The following LGI2 variants were observed in gnomAD, a reference collection of about 807,000 sequenced individuals.
LGI2 encodes the protein leucine-rich repeat LGI family member 2.
LGI2 carries 30 observed loss-of-function variants against 52.0 expected under a neutral mutation model. The ratio of observed to expected loss-of-function variants is 0.58; its 90% confidence interval spans 0.43 to 0.78. LGI2 has a LOEUF of 0.78. Among genes scored for constraint, LGI2 ranks in the 30% least tolerant of loss-of-function variants. The probability of loss-of-function intolerance (pLI) is 0.00; values close to 1 mark genes in which losing one functional copy is unlikely to be tolerated. For missense variants in LGI2, 573 were observed against 692.5 expected (o/e 0.83, Z 1.94); for synonymous variants, 270 against 271.8 (o/e 0.99, Z 0.06).
intron 7 of LGI2, among the ~76,000 whole-genome samples, chr4:25,008,933 C>A (rs1303573257): frequency 6.6e-6 from 1 of 152,212 alleles, no homozygotes; most frequent in Non-Finnish European, 1.5e-5. Flanking sequence ...ACTTCCTCCC[C>A]ACCAGCTCTG....
chr4:25,030,786 G>A lies in LGI2; in HGVS notation c.-93C>T. Reference sequence around the variant, plus strand: ...GCTGCAGACGCGGGCGCCGCTCGCTGCTCTGCCGCCGCCGCTGCTGGCGAG... The same window carrying A: ...GCTGCAGACGCGGGCGCCGCTCGCTACTCTGCCGCCGCCGCTGCTGGCGAG... On this transcript the variant is annotated 5_prime_UTR_variant, in exon 1 of 8. Transcript: ENST00000382114. The A allele has an allele frequency of 1.5e-6, 1 of 682,308 alleles. No individual in the cohort carries two copies. The highest frequency in any genetic ancestry group is 1.8e-6 in the Non-Finnish European group (1 of 547,306). 42.3% of individuals were successfully genotyped at this position (682,308 alleles called of 1,614,324 possible).
chr4:25,029,269 G>A (rs1726251075), intron 1 of LGI2, among the ~76,000 whole-genome samples: 2 of 152,174 alleles, frequency 1.3e-5, no homozygotes, highest in African/African-American at 4.8e-5. Context: ...TTTAATAAGG[G>A]GAACTCTAAT....
intron 6 of LGI2, among the ~76,000 whole-genome samples, chr4:25,015,234 C>A (rs186681707): frequency 6.6e-6 from 1 of 152,290 alleles, no homozygotes; most frequent in Admixed American, 6.5e-5. Context: ...AGAGAAACTG[C>A]ACATTAATGC....
intron 3 of LGI2, among the ~76,000 whole-genome samples, chr4:25,026,011 C>T (rs75104482): frequency 0.024 from 3,582 of 152,046 alleles, 155 homozygotes; most frequent in African/African-American, 0.081. Flanking sequence ...GAGTATTATG[C>T]GAATACACAT....
chr4:25,027,241 G>A (rs544890283), intron 2 of LGI2, among the ~76,000 whole-genome samples: 9 of 152,120 alleles, frequency 5.9e-5, no homozygotes, highest in Admixed American at 2.6e-4. Flanking sequence ...TGCTCAGCAC[G>A]ACTAAACAGC....
chr4:25,014,990 T>C (rs1725715730), intron 6 of LGI2, among the ~76,000 whole-genome samples: 1 of 152,154 alleles, frequency 6.6e-6, no homozygotes. Flanking sequence ...AAGCACATTC[T>C]TGTGGAAAGA....
downstream of LGI2, among the ~76,000 whole-genome samples, chr4:24,996,064 CGTT>C (rs1035018680): frequency 1.6e-4 from 25 of 152,176 alleles, no homozygotes; most frequent in African/African-American, 5.8e-4. Flanking sequence ...TCAGAGGCAG[CGTT>C]TGGATGGTTA....
At chr4:25,018,510 G>T (rs1238099497) in intron 5 of LGI2, among the ~76,000 whole-genome samples, 1 of 152,122 alleles carries the variant, frequency 6.6e-6, no homozygotes, top group Non-Finnish European at 1.5e-5. Context: ...AAACAAAGAG[G>T]ATATTGTAGG....
At chr4:25,007,589 G>A (rs1480655298) in intron 7 of LGI2, among the ~76,000 whole-genome samples, 2 of 79,814 alleles carry the variant, frequency 2.5e-5, no homozygotes, top group Non-Finnish European at 3.3e-5. Flanking sequence ...GTGTGTGTGT[G>A]TGTGTGTGTG....
At chr4:25,010,949 G>A (rs1164307852) in intron 7 of LGI2, among the ~76,000 whole-genome samples, 2 of 152,050 alleles carry the variant, frequency 1.3e-5, no homozygotes, top group African/African-American at 4.8e-5. Context: ...GGGTGCAGTG[G>A]TGTGTGCCTG....
At chr4:25,024,989 C>T in intron 3 of LGI2, 98 bp from the exon 4 acceptor site, 1 of 782,698 alleles carries the variant, frequency 1.3e-6, no homozygotes, top group Non-Finnish European at 2.0e-6. Context: ...TAAAAGTATT[C>T]CTGAATTATA....
At chr4:25,012,659 G>A (rs1389436388) in intron 6 of LGI2, among the ~76,000 whole-genome samples, 160 bp from the exon 7 acceptor site, 1 of 152,222 alleles carries the variant, frequency 6.6e-6, no homozygotes, top group Non-Finnish European at 1.5e-5. Flanking sequence ...ATTTTACTCT[G>A]GGACATTCCA....
intron 6 of LGI2, 61 bp from the exon 7 acceptor site, chr4:25,012,560 AC>A (rs1394959634): frequency 7.7e-6 from 12 of 1,552,880 alleles, no homozygotes; most frequent in Non-Finnish European, 8.8e-6. Flanking sequence ...ATTATCAACC[AC>A]CATCACCGTT....
intron 2 of LGI2, among the ~76,000 whole-genome samples, chr4:25,027,766 C>T (rs1191044690): frequency 6.6e-6 from 1 of 152,226 alleles, no homozygotes; most frequent in Admixed American, 6.5e-5. Context: ...GGTGTGTACT[C>T]TTACTTTGCC....
At chr4:25,006,165 G>A (rs1000224365) in intron 7 of LGI2, among the ~76,000 whole-genome samples, 4 of 152,142 alleles carry the variant, frequency 2.6e-5, no homozygotes, top group East Asian at 3.9e-4. Context: ...TAGCTCAGAC[G>A]TCATAAAACT....
downstream of LGI2, among the ~76,000 whole-genome samples, chr4:24,995,562 C>T (rs1000649000): frequency 1.3e-5 from 2 of 152,188 alleles, no homozygotes; most frequent in African/African-American, 4.8e-5. Flanking sequence ...GGCCCCTCAA[C>T]AGGCTGCTTG....
chr4:25,014,848 AAAAAAAGAGAG>A, intron 6 of LGI2, among the ~76,000 whole-genome samples: 1 of 127,062 alleles, frequency 7.9e-6, no homozygotes, highest in Admixed American at 7.5e-5. Flanking sequence ...AAAAAAAAAA[AAAAAAAGAGAG>A]AGAGAGAGAG....
At chr4:25,021,689 T>C (rs1725963282) in intron 4 of LGI2, among the ~76,000 whole-genome samples, 1 of 152,038 alleles carries the variant, frequency 6.6e-6, no homozygotes, top group African/African-American at 2.4e-5. Flanking sequence ...CCCAACACTT[T>C]GGGAGGCCGA....
At chr4:25,020,189 T>C (rs990042301) in intron 4 of LGI2, among the ~76,000 whole-genome samples, 1 of 151,964 alleles carries the variant, frequency 6.6e-6, no homozygotes, top group South Asian at 2.1e-4. Context: ...GTGTAGGGAA[T>C]GATTGACTAT....
Sources: gnomAD v4.1 joint callset for allele counts (sites outside exome capture counted in the v4.1 genomes callset) on GRCh38, gnomAD v4.1.1 for gene constraint, MANE v1.5 for transcripts, NCBI Gene and HGNC (gene_info 2026-07-23, HGNC 2026-07-21) for gene names.